GRIK2: variants seen among roughly 807,000 people sequenced by gnomAD.
GRIK2 encodes glutamate ionotropic receptor kainate type subunit 2, also known as glutamate receptor ionotropic, kainate 2.
In GRIK2, 32 loss-of-function variants were observed where a neutral mutation model predicts 100.3. The ratio of observed to expected loss-of-function variants is 0.32; its 90% confidence interval spans 0.24 to 0.43. GRIK2 has a LOEUF of 0.43. Ranked by LOEUF, GRIK2 falls within the 20% of genes least tolerant of loss-of-function variation. GRIK2 has a pLI of 1.00. For synonymous variants in GRIK2, 417 were observed against 389.4 expected (o/e 1.07, Z -0.83); for missense variants, 843 against 1,114.9 (o/e 0.76, Z 3.47).
chr6:101,877,741 G>A (rs1286797260), intron 11 of GRIK2, among the ~76,000 whole-genome samples: 1 of 151,916 alleles, frequency 6.6e-6, no homozygotes, highest in Non-Finnish European at 1.5e-5. Context: ...GCAAGGAACT[G>A]ATACATCTAT....
intron 2 of GRIK2, among the ~76,000 whole-genome samples, chr6:101,539,413 A>G (rs1170714565): frequency 6.6e-6 from 1 of 151,814 alleles, no homozygotes; most frequent in Non-Finnish European, 1.5e-5. Flanking sequence ...AGTAATCTGA[A>G]TACTTGAAGG....
intron 14 of GRIK2, among the ~76,000 whole-genome samples, chr6:102,027,412 T>C (rs1000196281): frequency 6.6e-6 from 1 of 151,180 alleles, no homozygotes; most frequent in South Asian, 2.1e-4. Flanking sequence ...TTGTTAACAA[T>C]AAAGTCTTTT....
chr6:101,522,801 T>C (rs1487213382), intron 2 of GRIK2, among the ~76,000 whole-genome samples: 1 of 152,028 alleles, frequency 6.6e-6, no homozygotes, highest in African/African-American at 2.4e-5. Flanking sequence ...CCCTTCTACA[T>C]TGTAAGCTCC....
At chr6:101,778,174 G>T (rs1051740342) in intron 7 of GRIK2, among the ~76,000 whole-genome samples, 2 of 151,878 alleles carry the variant, frequency 1.3e-5, no homozygotes, top group African/African-American at 2.4e-5. Context: ...AAAACAAAAG[G>T]CAAGAAAAAT....
chr6:101,462,303 A>G (rs1771357019), intron 2 of GRIK2, among the ~76,000 whole-genome samples: 1 of 152,146 alleles, frequency 6.6e-6, no homozygotes, highest in Non-Finnish European at 1.5e-5. Flanking sequence ...TTAAAAATTG[A>G]TGACTGACCA....
chr6:102,042,529 G>A (rs1770644651), intron 15 of GRIK2, among the ~76,000 whole-genome samples: 2 of 151,448 alleles, frequency 1.3e-5, no homozygotes, highest in African/African-American at 4.8e-5. Flanking sequence ...ATTGCAAAAG[G>A]GACTTCAGCA....
intron 2 of GRIK2, among the ~76,000 whole-genome samples, chr6:101,566,845 A>G (rs1249875009): frequency 6.7e-6 from 1 of 149,998 alleles, no homozygotes; most frequent in African/African-American, 2.4e-5. Flanking sequence ...GCATATACAT[A>G]TAATAGACAT....
chr6:102,040,903 T>G (rs1770531271), intron 15 of GRIK2, among the ~76,000 whole-genome samples: 1 of 151,606 alleles, frequency 6.6e-6, no homozygotes, highest in African/African-American at 2.4e-5. Flanking sequence ...AGCCCTTCCA[T>G]TAAAATGCAT....
chr6:101,485,163 T>G (rs927570269), intron 2 of GRIK2, among the ~76,000 whole-genome samples: 6 of 152,194 alleles, frequency 3.9e-5, no homozygotes, highest in African/African-American at 1.4e-4. Context: ...TGATGTAAAC[T>G]AGTTATATAT....
chr6:102,018,046 C>T (rs986234713), intron 14 of GRIK2, among the ~76,000 whole-genome samples: 45 of 152,152 alleles, frequency 3.0e-4, no homozygotes, highest in African/African-American at 1.0e-3. Flanking sequence ...TGTTCAGTCT[C>T]TTCAAACTTG....
chr6:101,560,636 A>G (rs973067565), intron 2 of GRIK2, among the ~76,000 whole-genome samples: 1 of 151,922 alleles, frequency 6.6e-6, no homozygotes, highest in African/African-American at 2.4e-5. Flanking sequence ...GATTATTGGC[A>G]AATATTTCAG....
At chr6:101,832,782 G>A (rs1054414163) in intron 10 of GRIK2, among the ~76,000 whole-genome samples, 25 of 151,998 alleles carry the variant, frequency 1.6e-4, no homozygotes, top group African/African-American at 5.8e-4. Flanking sequence ...ATAAATTCTG[G>A]TTTTGGCTTT....
chr6:102,044,134 CAA>C (rs1193097117), intron 15 of GRIK2, among the ~76,000 whole-genome samples: 2 of 151,890 alleles, frequency 1.3e-5, no homozygotes, highest in African/African-American at 4.8e-5. Flanking sequence ...GATAAGGATA[CAA>C]AAAGAGTAAT....
chr6:101,454,002 G>T (rs75837705), intron 2 of GRIK2, among the ~76,000 whole-genome samples: 4 of 151,914 alleles, frequency 2.6e-5, no homozygotes, highest in Non-Finnish European at 5.9e-5. Flanking sequence ...ACCAATAACC[G>T]TTACACGAAA....
intron 4 of GRIK2, among the ~76,000 whole-genome samples, chr6:101,652,337 T>G (rs1781839946): frequency 6.6e-6 from 1 of 152,082 alleles, no homozygotes; most frequent in Non-Finnish European, 1.5e-5. Flanking sequence ...CTTCTATCTG[T>G]GAGGATACAA....
At chr6:101,876,009 TTG>T (rs3054436) in intron 11 of GRIK2, among the ~76,000 whole-genome samples, 61 of 148,730 alleles carry the variant, frequency 4.1e-4, no homozygotes, top group Admixed American at 1.4e-3. Flanking sequence ...GTTTATGTGT[TTG>T]TGTGTGTGTG....
chr6:102,058,002 T>TG (rs1447061165), intron 16 of GRIK2, among the ~76,000 whole-genome samples: 2 of 151,758 alleles, frequency 1.3e-5, no homozygotes, highest in East Asian at 3.9e-4. Flanking sequence ...CCTATTGCAA[T>TG]GAAAAAAAAT....
chr6:101,904,907 T>C (rs1438521704), intron 12 of GRIK2, among the ~76,000 whole-genome samples: 1 of 151,558 alleles, frequency 6.6e-6, no homozygotes, highest in African/African-American at 2.4e-5. Flanking sequence ...TGTGAAACTA[T>C]ACATTTTTTA....
intron 4 of GRIK2, among the ~76,000 whole-genome samples, chr6:101,634,984 A>T (rs571443717): frequency 3.3e-5 from 5 of 152,070 alleles, no homozygotes; most frequent in Non-Finnish European, 7.4e-5. Context: ...TTGCACGTAT[A>T]TTTAAATAGG....
Sources: gnomAD v4.1 joint callset for allele counts (sites outside exome capture counted in the v4.1 genomes callset) on GRCh38, gnomAD v4.1.1 for gene constraint, MANE v1.5 for transcripts, NCBI Gene and HGNC (gene_info 2026-07-23, HGNC 2026-07-21) for gene names.